AGBL4: variants seen among roughly 807,000 people sequenced by gnomAD.
The protein encoded by AGBL4 is AGBL carboxypeptidase 4.
A neutral mutation model predicts 66.4 loss-of-function variants in AGBL4; 58 were observed. That is an observed-to-expected ratio of 0.87 (90% CI 0.71 to 1.09). The LOEUF (loss-of-function observed/expected upper bound fraction) is 1.09, where lower values mean the gene tolerates loss of function less well. AGBL4 is among the 50% of genes least tolerant of loss of function. AGBL4 has a pLI of 0.00. For synonymous variants in AGBL4, 234 were observed against 222.9 expected (o/e 1.05, Z -0.44); for missense variants, 579 against 631.0 (o/e 0.92, Z 0.88).
chr1:49,551,754 ATTT>A (rs1176086691), intron 3 of AGBL4, among the ~76,000 whole-genome samples: 2 of 152,128 alleles, frequency 1.3e-5, no homozygotes, highest in African/African-American at 4.8e-5. Flanking sequence ...TTAATGCTCT[ATTT>A]TTGTGCTGGT....
chr1:48,880,863 T>C (rs921835222), intron 5 of AGBL4, among the ~76,000 whole-genome samples: 3 of 152,210 alleles, frequency 2.0e-5, no homozygotes, highest in East Asian at 3.8e-4. Flanking sequence ...TGGTGTATTC[T>C]GTTATTTTTA....
intron 2 of AGBL4, among the ~76,000 whole-genome samples, chr1:49,772,737 C>G (rs1382426428): frequency 6.6e-6 from 1 of 152,140 alleles, no homozygotes; most frequent in African/African-American, 2.4e-5. Flanking sequence ...TGAGGATTCT[C>G]TTATATGTGA....
intron 5 of AGBL4, among the ~76,000 whole-genome samples, chr1:48,962,853 G>A (rs139725339): frequency 1.3e-5 from 2 of 152,106 alleles, no homozygotes; most frequent in East Asian, 3.9e-4. Context: ...TAAGCATCCT[G>A]GGTTGAGTCT....
At chr1:48,649,812 T>C (rs561897739) in intron 8 of AGBL4, among the ~76,000 whole-genome samples, 1 of 152,332 alleles carries the variant, frequency 6.6e-6, no homozygotes, top group African/African-American at 2.4e-5. Flanking sequence ...GGAATAAATG[T>C]TTATTTATAA....
intron 3 of AGBL4, among the ~76,000 whole-genome samples, chr1:49,349,780 C>T (rs1467056417): frequency 6.6e-6 from 1 of 151,990 alleles, no homozygotes; most frequent in African/African-American, 2.4e-5. Flanking sequence ...GAAATAGGGC[C>T]TTAAAGAGGT....
intron 5 of AGBL4, among the ~76,000 whole-genome samples, chr1:48,914,644 C>G (rs897205168): frequency 6.6e-6 from 1 of 152,150 alleles, no homozygotes; most frequent in Non-Finnish European, 1.5e-5. Context: ...TGTTCATTCT[C>G]TCATGTCCTA....
chr1:49,383,124 A>C (rs1644658442), intron 3 of AGBL4, among the ~76,000 whole-genome samples: 1 of 152,202 alleles, frequency 6.6e-6, no homozygotes, highest in Non-Finnish European at 1.5e-5. Context: ...AAAAACTACA[A>C]AGCATTGCTG....
intron 3 of AGBL4, among the ~76,000 whole-genome samples, chr1:49,515,143 C>G (rs1261809330): frequency 2.0e-5 from 3 of 152,048 alleles, no homozygotes; most frequent in Non-Finnish European, 4.4e-5. Context: ...ACTCATCTGA[C>G]AAAGGGCTAA....
chr1:48,933,962 G>A (rs1655246732), intron 5 of AGBL4, among the ~76,000 whole-genome samples: 1 of 152,164 alleles, frequency 6.6e-6, no homozygotes, highest in South Asian at 2.1e-4. Context: ...CTTAGCATGA[G>A]CCCTTGCCTC....
At chr1:49,216,862 A>G (rs1274253929) in intron 4 of AGBL4, among the ~76,000 whole-genome samples, 1 of 152,122 alleles carries the variant, frequency 6.6e-6, no homozygotes, top group African/African-American at 2.4e-5. Flanking sequence ...TGTAACAGAG[A>G]GTGAGTGCCC....
At chr1:48,593,447 A>G (rs1644947210) in intron 9 of AGBL4, among the ~76,000 whole-genome samples, 7 of 152,234 alleles carry the variant, frequency 4.6e-5, no homozygotes, top group Admixed American at 3.9e-4. Flanking sequence ...ACACATACAC[A>G]ATTGTATGTA....
intron 4 of AGBL4, among the ~76,000 whole-genome samples, chr1:49,177,573 T>C (rs534471555): frequency 6.6e-6 from 1 of 152,288 alleles, no homozygotes; most frequent in East Asian, 1.9e-4. Context: ...TTCCATATGG[T>C]AAATTTCTTT....
At chr1:48,781,780 G>A (rs1408924326) in intron 6 of AGBL4, among the ~76,000 whole-genome samples, 3 of 152,130 alleles carry the variant, frequency 2.0e-5, no homozygotes, top group Admixed American at 6.5e-5. Context: ...AGACTCTCAC[G>A]CCTGCCCTTC....
rs371192923 is a variant in AGBL4 at position 49,157,363 on chromosome 1, G to T, written c.377+88407C>A. Among the ~76,000 whole-genome samples the T allele has an allele frequency of 2.0e-5, 3 of 151,600 alleles. No individual in the cohort carries two copies. The East Asian group carries it at 5.9e-4, about 30-fold the overall frequency. On this transcript the variant is annotated intron_variant, in intron 4 of 13. Transcript: ENST00000371839. ...TTTTCTCTTCTTGTCTTAGATTGCTGAGAATGATGGTTTCCAGCTTCATCC... is the reference window on the plus strand; with the variant it reads ...TTTTCTCTTCTTGTCTTAGATTGCTTAGAATGATGGTTTCCAGCTTCATCC...
At chr1:49,097,089 T>G (rs1036694323) in intron 4 of AGBL4, among the ~76,000 whole-genome samples, 1 of 152,198 alleles carries the variant, frequency 6.6e-6, no homozygotes, top group Non-Finnish European at 1.5e-5. Flanking sequence ...TAAAATTGTG[T>G]TGTTGTATGC....
chr1:49,318,474 C>G (rs1645077709), intron 3 of AGBL4, among the ~76,000 whole-genome samples: 1 of 151,830 alleles, frequency 6.6e-6, no homozygotes, highest in South Asian at 2.1e-4. Context: ...ATGCCAAACA[C>G]TATTCTAAAC....
intron 1 of AGBL4, among the ~76,000 whole-genome samples, chr1:49,866,524 G>A (rs923995985): frequency 1.3e-5 from 2 of 152,144 alleles, no homozygotes; most frequent in Admixed American, 6.5e-5. Flanking sequence ...AGCACTTTGG[G>A]AGGCCAAGGT....
intron 3 of AGBL4, among the ~76,000 whole-genome samples, chr1:49,623,929 C>T (rs896547479): frequency 2.6e-5 from 4 of 152,050 alleles, no homozygotes; most frequent in African/African-American, 7.2e-5. Flanking sequence ...GTTACTCACA[C>T]GGTTGGGGTC....
chr1:49,117,433 C>A (rs1273724313), intron 4 of AGBL4, among the ~76,000 whole-genome samples: 7 of 152,190 alleles, frequency 4.6e-5, no homozygotes, highest in African/African-American at 1.7e-4. Context: ...CAGCTTTCTA[C>A]ATATGGCTAG....
Sources: allele counts gnomAD v4.1 joint callset (sites outside exome capture counted in the v4.1 genomes callset), GRCh38; gene constraint gnomAD v4.1.1; transcripts MANE v1.5; gene names NCBI Gene and HGNC (gene_info 2026-07-23, HGNC 2026-07-21).